CENPP: variants seen among roughly 807,000 people sequenced by gnomAD.
CENPP encodes centromere protein P.
In CENPP, 24 loss-of-function variants were observed where a neutral mutation model predicts 35.6. The observed-to-expected ratio is 0.67, with a 90% CI of 0.49 to 0.95. CENPP has a LOEUF of 0.95. CENPP is among the 40% of genes least tolerant of loss of function. CENPP has a pLI of 0.00. For synonymous variants in CENPP, 120 were observed against 125.5 expected (o/e 0.96, Z 0.29); for missense variants, 332 against 345.3 (o/e 0.96, Z 0.31).
chr9:92,406,498 T>C (rs1226030915), intron 5 of CENPP, among the ~76,000 whole-genome samples: 2 of 152,192 alleles, frequency 1.3e-5, no homozygotes, highest in Non-Finnish European at 2.9e-5. Context: ...TGGTTATCTA[T>C]TACTGTGTAA....
At chr9:92,414,581 C>A (rs1166795623) in intron 5 of CENPP, 1 of 208,790 alleles carries the variant, frequency 4.8e-6, no homozygotes, top group Non-Finnish European at 9.7e-6. Context: ...TGGCCTCTTA[C>A]AAATCAAAAA....
chr9:92,471,471 A>C (rs973555652), intron 5 of CENPP, among the ~76,000 whole-genome samples: 1 of 152,020 alleles, frequency 6.6e-6, no homozygotes, highest in African/African-American at 2.4e-5. Context: ...CTGGTATTAC[A>C]GTCGTGAGCC....
intron 5 of CENPP, among the ~76,000 whole-genome samples, chr9:92,423,299 T>C (rs1335152515): frequency 1.3e-5 from 2 of 152,164 alleles, no homozygotes; most frequent in Non-Finnish European, 2.9e-5. Flanking sequence ...GAATTTTTCA[T>C]ATTATAGCAA....
At chr9:92,367,311 G>C (rs112730655) in intron 4 of CENPP, among the ~76,000 whole-genome samples, 5,409 of 151,096 alleles carry the variant, frequency 0.036, 129 homozygotes, top group South Asian at 0.088. Context: ...GAATTACAGG[G>C]GCACGCCACC....
At chr9:92,586,443 G>C (rs1474786731) in intron 5 of CENPP, among the ~76,000 whole-genome samples, 2 of 152,150 alleles carry the variant, frequency 1.3e-5, no homozygotes, top group Non-Finnish European at 2.9e-5. Flanking sequence ...CTCGAAGGAG[G>C]AGGCTGGGGG....
intron 5 of CENPP, among the ~76,000 whole-genome samples, chr9:92,501,358 C>T (rs1217654627): frequency 6.6e-6 from 1 of 152,168 alleles, no homozygotes; most frequent in Admixed American, 6.6e-5. Flanking sequence ...ACTAAAATAT[C>T]TGTACGGTTG....
At chr9:92,345,997 TATTAAA>T (rs141456410) in intron 4 of CENPP, among the ~76,000 whole-genome samples, 2 of 152,268 alleles carry the variant, frequency 1.3e-5, no homozygotes, top group African/African-American at 4.8e-5. Flanking sequence ...ATGTGCTGGG[TATTAAA>T]ATTAAAATGT....
At chr9:92,411,324 T>A (rs1242582814) in intron 5 of CENPP, among the ~76,000 whole-genome samples, 1 of 152,064 alleles carries the variant, frequency 6.6e-6, no homozygotes, top group Non-Finnish European at 1.5e-5. Context: ...AAACAGGATC[T>A]CACTCTGACA....
intron 1 of CENPP, among the ~76,000 whole-genome samples, chr9:92,326,854 G>T (rs190830257): frequency 6.6e-6 from 1 of 152,308 alleles, no homozygotes; most frequent in African/African-American, 2.4e-5. Flanking sequence ...TGAGTCAAGA[G>T]TAATTTGACA....
At chr9:92,380,119 A>G (rs764180132) in intron 5 of CENPP, among the ~76,000 whole-genome samples, 1 of 152,220 alleles carries the variant, frequency 6.6e-6, no homozygotes, top group Non-Finnish European at 1.5e-5. Flanking sequence ...TTGGAAAAAC[A>G]TTCTTTCAAG....
chr9:92,331,964 G>GA (rs1484721310), intron 1 of CENPP, among the ~76,000 whole-genome samples: 2 of 150,218 alleles, frequency 1.3e-5, no homozygotes, highest in East Asian at 1.9e-4. Context: ...AAGGAAGAAA[G>GA]AAAAAAAAAG....
chr9:92,483,191 C>T (rs7860786), intron 5 of CENPP, among the ~76,000 whole-genome samples: 60,947 of 151,738 alleles, frequency 0.4, 14,250 homozygotes, highest in African/African-American at 0.64. Context: ...AGAGACTGCC[C>T]AATTCTACAT....
intron 5 of CENPP, chr9:92,456,365 T>C (rs1014829082): frequency 6.6e-6 from 1 of 152,414 alleles, no homozygotes; most frequent in Non-Finnish European, 1.5e-5. Context: ...TTATACTAGA[T>C]GTGTTTCTCA....
chr9:92,344,332 T>TC (rs1312513630), intron 3 of CENPP, among the ~76,000 whole-genome samples: 4 of 152,228 alleles, frequency 2.6e-5, no homozygotes, highest in African/African-American at 9.6e-5. Context: ...AACATGTATC[T>TC]ACACATACTT....
At chr9:92,568,237 C>T (rs1202643253) in intron 5 of CENPP, among the ~76,000 whole-genome samples, 1 of 149,180 alleles carries the variant, frequency 6.7e-6, no homozygotes, top group Admixed American at 6.7e-5. Flanking sequence ...CTTCCCCCTT[C>T]CCCCCACCGC....
rs748413306 is a variant in CENPP at position 92,592,978 on chromosome 9, G to C, written c.565-18336G>C. Among the ~76,000 whole-genome samples, 12 of 152,224 alleles carry C rather than the reference G, an allele frequency of 7.9e-5. 1 individual carries two copies. Among genetic ancestry groups the C allele is most frequent in the Admixed American group, 7.9e-4 (12 of 15,286 alleles). On this transcript the variant is annotated intron_variant, in intron 5 of 7. Coordinates refer to ENST00000375587, the MANE Select transcript of CENPP (RefSeq NM_001012267.3). ...AAACCCAACCTAAGTTGGCTTAAACGAAAAGGAACATTAGTGGCTCCTGTA... is the reference window on the plus strand; with the variant it reads ...AAACCCAACCTAAGTTGGCTTAAACCAAAAGGAACATTAGTGGCTCCTGTA...
chr9:92,419,316 T>C (rs1343961781), intron 5 of CENPP, among the ~76,000 whole-genome samples: 7 of 150,482 alleles, frequency 4.7e-5, no homozygotes, highest in Admixed American at 6.6e-5. Context: ...TTTTTTTTTT[T>C]TTGAGATGGA....
At chr9:92,571,314 T>C (rs1850133649) in intron 5 of CENPP, among the ~76,000 whole-genome samples, 1 of 152,250 alleles carries the variant, frequency 6.6e-6, no homozygotes, top group South Asian at 2.1e-4. Context: ...AACATCTTTA[T>C]TTCTGCCTTC....
chr9:92,491,643 A>C (rs1180607470), intron 5 of CENPP, among the ~76,000 whole-genome samples: 1 of 152,082 alleles, frequency 6.6e-6, no homozygotes, highest in African/African-American at 2.4e-5. Flanking sequence ...CTGGCTCTCA[A>C]CTTCTTAGCA....
Sources: gnomAD v4.1 joint callset for allele counts (sites outside exome capture counted in the v4.1 genomes callset) on GRCh38, gnomAD v4.1.1 for gene constraint, MANE v1.5 for transcripts, NCBI Gene and HGNC (gene_info 2026-07-23, HGNC 2026-07-21) for gene names.